WDR7: variants seen among roughly 807,000 people sequenced by gnomAD.
The protein encoded by WDR7 is WD repeat domain 7.
WDR7 carries 46 observed loss-of-function variants against 169.4 expected under a neutral mutation model. The observed-to-expected ratio is 0.27, with a 90% confidence interval of 0.21 to 0.35. WDR7 has a LOEUF of 0.35. WDR7 is among the 10% of genes least tolerant of loss of function. The pLI is 1.00. For synonymous variants in WDR7, 612 were observed against 666.8 expected (o/e 0.92, Z 1.27); for missense variants, 1,534 against 1,859.3 (o/e 0.83, Z 3.22).
intron 20 of WDR7, among the ~76,000 whole-genome samples, chr18:56,844,254 A>G (rs2045533692): frequency 6.6e-6 from 1 of 151,974 alleles, no homozygotes; most frequent in African/African-American, 2.4e-5. Context: ...AATTTCCCTA[A>G]TGATTAGTGA....
chr18:56,979,493 C>T (rs768736021), intron 26 of WDR7, among the ~76,000 whole-genome samples: 1 of 152,138 alleles, frequency 6.6e-6, no homozygotes. Context: ...CTGATAAAAT[C>T]GCTAATAGAA....
At chr18:56,991,110 C>T (rs78849935) in intron 26 of WDR7, among the ~76,000 whole-genome samples, 5,861 of 150,930 alleles carry the variant, frequency 0.039, 137 homozygotes, top group Non-Finnish European at 0.054. Flanking sequence ...AAGATAGCAC[C>T]ACCTCTTACT....
chr18:56,691,110 G>C, intron 7 of WDR7, 106 bp from the exon 8 acceptor site: 1 of 1,480,750 alleles, frequency 6.8e-7, no homozygotes, highest in South Asian at 1.3e-5. Context: ...AGCAAACTGA[G>C]TTTTCTAAAT....
intron 13 of WDR7, among the ~76,000 whole-genome samples, chr18:56,720,333 C>T (rs960937923): frequency 6.6e-6 from 1 of 151,186 alleles, no homozygotes; most frequent in African/African-American, 2.5e-5. Flanking sequence ...GCCTGTGTCC[C>T]ATCCACTCAG....
intron 25 of WDR7, among the ~76,000 whole-genome samples, chr18:56,961,130 T>G (rs2047333519): frequency 6.6e-6 from 1 of 152,136 alleles, no homozygotes; most frequent in South Asian, 2.1e-4. Context: ...GTTTTCCAGA[T>G]TTATGAAATA....
chr18:57,033,081 C>A (rs962405572), downstream of WDR7: 6 of 151,806 alleles, frequency 4.0e-5, no homozygotes, highest in Non-Finnish European at 8.8e-5. Flanking sequence ...TTGTATTGAA[C>A]CTTAGAATAT....
chr18:56,815,681 CCA>C (rs2044954544), intron 19 of WDR7, among the ~76,000 whole-genome samples: 1 of 152,170 alleles, frequency 6.6e-6, no homozygotes, highest in African/African-American at 2.4e-5. Flanking sequence ...TTAAAACAAT[CCA>C]CACTTTCCTC....
chr18:56,903,420 T>C (rs1373990295), intron 21 of WDR7, among the ~76,000 whole-genome samples: 1 of 152,050 alleles, frequency 6.6e-6, no homozygotes, highest in Non-Finnish European at 1.5e-5. Flanking sequence ...ATTATTTATT[T>C]ATTTATTTAT....
Position 56,962,513 on chromosome 18 carries a change from G to A in WDR7, c.4148G>A (p.Arg1383Gln), listed in dbSNP as rs773775936. ...GGTTCAGTGGCCCTGTACGACATCC[G>A]GACTGGAAAATGTCAGGTAAATAAA... ...RHGSVALYDI[R>Q]TGKCQTIHGH... The change falls in exon 26 of 28, where the codon CGG becomes CAG. Residue 1383 changes from arginine to glutamine, a missense_variant. Arg to Gln is a conservative substitution (Grantham distance 43, BLOSUM62 1). Coordinates refer to ENST00000254442, the MANE Select transcript of WDR7 (RefSeq NM_015285.3). The A allele has an allele frequency of 3.7e-6, 6 of 1,612,632 alleles. No individual in the cohort carries two copies. In the Admixed American group the frequency reaches 5.0e-5, roughly 13 times the overall value.
At chr18:56,695,317 G>T (rs1372519099) in intron 11 of WDR7, 119 bp downstream of exon 11, 10 of 1,294,490 alleles carry the variant, frequency 7.7e-6, no homozygotes, top group Non-Finnish European at 1.0e-5. Context: ...AGTTGTTGGG[G>T]TGCTATGTAG....
In WDR7 at chr18:56,702,133, G is replaced by A. The variant is rs374981222; in HGVS notation, c.1578+5671G>A. ...GAAAGGGAAGGCAGATATTTTTAAT[G>A]CCTTTGGAGTGCTGCGGCAGGAAAC... On this transcript the variant is annotated intron_variant, in intron 12 of 27. Transcript: ENST00000254442. 5.9e-5 allele frequency among the ~76,000 whole-genome samples: 9 copies of A among 152,240 alleles called. No individual in the cohort carries two copies. In the East Asian group the frequency reaches 1.4e-3, roughly 23 times the overall value.
intron 1 of WDR7, among the ~76,000 whole-genome samples, chr18:56,654,146 T>C (rs1000914455): frequency 6.6e-6 from 1 of 152,186 alleles, no homozygotes; most frequent in Non-Finnish European, 1.5e-5. Context: ...CATTTCTTTT[T>C]TTTTCTGAGA....
intron 12 of WDR7, among the ~76,000 whole-genome samples, chr18:56,709,329 A>C (rs536606915): frequency 3.3e-5 from 5 of 152,344 alleles, no homozygotes; most frequent in Non-Finnish European, 5.9e-5. Context: ...GAATGTTTTC[A>C]CATTTTCTGG....
At chr18:56,751,585 T>C (rs549871436) in intron 14 of WDR7, among the ~76,000 whole-genome samples, 13 of 152,328 alleles carry the variant, frequency 8.5e-5, no homozygotes, top group African/African-American at 3.1e-4. Flanking sequence ...AATATTGATA[T>C]ATGATGATAT....
At chr18:56,980,594 G>A (rs111798459) in intron 26 of WDR7, among the ~76,000 whole-genome samples, 1 of 152,164 alleles carries the variant, frequency 6.6e-6, no homozygotes, top group East Asian at 1.9e-4. Context: ...ATTACATTTT[G>A]CGATAAATAC....
chr18:56,830,261 C>T (rs1334953697), intron 20 of WDR7, among the ~76,000 whole-genome samples: 1 of 152,108 alleles, frequency 6.6e-6, no homozygotes, highest in Non-Finnish European at 1.5e-5. Context: ...CATAAAATGA[C>T]ATTTATACTC....
At chr18:56,837,644 T>C (rs993103741) in intron 20 of WDR7, among the ~76,000 whole-genome samples, 10 of 152,294 alleles carry the variant, frequency 6.6e-5, no homozygotes, top group Admixed American at 1.3e-4. Flanking sequence ...AAGCATTTTA[T>C]AGTGAATAAT....
In WDR7 at chr18:56,781,573, G is replaced by A. The variant is rs886330156; in HGVS notation, c.3107G>A (p.Arg1036Lys). The change falls in exon 19 of 28, where the codon AGA becomes AAA. Residue 1036 changes from arginine to lysine, a missense_variant. Coordinates refer to ENST00000254442, the MANE Select transcript of WDR7 (RefSeq NM_015285.3). ...AAQALLLAEL[R>K]RIEQAGRKEA... ...CAGGCCCTGCTTCTGGCGGAACTGA[G>A]AAGAATTGAGCAGGCAGGCAGGAAG... 1.1e-5 allele frequency: 17 copies of A among 1,612,338 alleles called. No homozygotes were observed. The highest frequency in any genetic ancestry group is 1.4e-5 in the Non-Finnish European group (17 of 1,179,234).
intron 19 of WDR7, among the ~76,000 whole-genome samples, chr18:56,792,210 G>A (rs1568197115): frequency 6.6e-6 from 1 of 152,062 alleles, no homozygotes. Flanking sequence ...TTCGTAAGGG[G>A]TCTTCCTATG....
Sources: allele counts gnomAD v4.1 joint callset (sites outside exome capture counted in the v4.1 genomes callset), GRCh38; gene constraint gnomAD v4.1.1; transcripts MANE v1.5; gene names NCBI Gene and HGNC (gene_info 2026-07-23, HGNC 2026-07-21).